CAMK4: variants seen among roughly 807,000 people sequenced by gnomAD.
The protein encoded by CAMK4 is calcium/calmodulin dependent protein kinase IV, also known as calcium/calmodulin-dependent protein kinase type IV.
In CAMK4, 22 loss-of-function variants were observed where a neutral mutation model predicts 44.9. The ratio of observed to expected loss-of-function variants is 0.49; its 90% CI spans 0.35 to 0.70. The LOEUF (loss-of-function observed/expected upper bound fraction) is 0.70, where lower values mean the gene tolerates loss of function less well. Among genes scored for constraint, CAMK4 ranks in the 30% least tolerant of loss-of-function variants. CAMK4 has a pLI of 0.01. For synonymous variants in CAMK4, 218 were observed against 215.4 expected (o/e 1.01, Z -0.11); for missense variants, 498 against 586.8 (o/e 0.85, Z 1.56).
chr5:111,283,553 G>C (rs1220166724), intron 1 of CAMK4, among the ~76,000 whole-genome samples: 1 of 152,196 alleles, frequency 6.6e-6, no homozygotes, highest in Non-Finnish European at 1.5e-5. Flanking sequence ...TGGCAGTCTT[G>C]AGGCTCACAC....
intron 4 of CAMK4, among the ~76,000 whole-genome samples, chr5:111,385,297 G>A (rs1436932973): frequency 6.6e-6 from 1 of 152,014 alleles, no homozygotes; most frequent in African/African-American, 2.4e-5. Flanking sequence ...CAAAACAAGG[G>A]GGTTTTGTAA....
chr5:111,251,059 A>G (rs1182929361), intron 1 of CAMK4, among the ~76,000 whole-genome samples: 1 of 152,208 alleles, frequency 6.6e-6, no homozygotes, highest in African/African-American at 2.4e-5. Flanking sequence ...ATGGCTTGCT[A>G]TGCTTAAATA....
At chr5:111,445,967 G>T (rs13182179) in intron 5 of CAMK4, among the ~76,000 whole-genome samples, 46,160 of 152,160 alleles carry the variant, frequency 0.3, 7,638 homozygotes, top group Non-Finnish European at 0.37. Flanking sequence ...TGGGGGAAGG[G>T]AAATCAGGTA....
Position 111,281,780 on chromosome 5 carries a change from C to T in CAMK4, c.161+57136C>T, listed in dbSNP as rs187670999. Among the ~76,000 whole-genome samples the T allele has an allele frequency of 1.3e-3, 196 of 152,236 alleles. 1 individual carries two copies. In the South Asian group the frequency reaches 0.015, roughly 12 times the overall value. On this transcript the variant is annotated intron_variant, in intron 1 of 10. Transcript: ENST00000282356. ...TGACAAGAAATTTTCTGGAATTGGC[C>T]GGGCGCGGTGGCTCACGCCTGTAAT...
intron 1 of CAMK4, among the ~76,000 whole-genome samples, chr5:111,230,484 T>C (rs925080915): frequency 1.3e-5 from 2 of 151,852 alleles, no homozygotes; most frequent in Admixed American, 1.3e-4. Context: ...AAGGCTACGA[T>C]AACATCATTG....
At chr5:111,271,701 G>T (rs1750525591) in intron 1 of CAMK4, among the ~76,000 whole-genome samples, 1 of 152,082 alleles carries the variant, frequency 6.6e-6, no homozygotes, top group Non-Finnish European at 1.5e-5. Flanking sequence ...CCAAATATTT[G>T]GCAAGACCAC....
intron 5 of CAMK4, among the ~76,000 whole-genome samples, chr5:111,403,485 A>G (rs544630938): frequency 7.9e-5 from 12 of 152,324 alleles, no homozygotes; most frequent in African/African-American, 2.6e-4. Context: ...ATTAATACAA[A>G]GTTTTAAGAG....
intron 1 of CAMK4, among the ~76,000 whole-genome samples, chr5:111,234,501 G>T (rs1748626467): frequency 6.6e-6 from 1 of 152,180 alleles, no homozygotes; most frequent in East Asian, 1.9e-4. Flanking sequence ...TAGAGAAATA[G>T]GGTTTGTTTG....
chr5:111,224,464 T>C lies in CAMK4; in HGVS notation c.-20T>C, dbSNP rs752917380. The C allele has an allele frequency of 8.3e-6, 13 of 1,573,270 alleles. No homozygotes were observed. The highest frequency in any genetic ancestry group is 3.4e-5 in the South Asian group (3 of 87,246). On this transcript the variant is annotated 5_prime_UTR_variant, in exon 1 of 11. Transcript: ENST00000282356. The surrounding 1 kb of genome is among the most constrained non-coding windows in gnomAD (Gnocchi z 5.7). The stretch of plus-strand genomic sequence containing the variant: ...AGCGGCGGCGGCGGCGGCGGCGGCT[T>C]CCGGAGTCCCGCTGCGAAGATGCTC...
Position 111,494,318 on chromosome 5 carries a change from T to C in CAMK4, c.*9852T>C, listed in dbSNP as rs182033389. 2.3e-4 allele frequency: 35 copies of C among 152,330 alleles called. No homozygotes were observed. In the East Asian group the frequency reaches 5.0e-3, roughly 22 times the overall value. The allele number at this position is 152,330 out of a possible 1,614,324, so 9.4% of individuals were successfully genotyped here. A position where few individuals can be genotyped will look rare whatever the true frequency, so the allele number is the denominator to read the frequency against. On this transcript the variant is annotated 3_prime_UTR_variant, in exon 11 of 11. Coordinates refer to ENST00000282356, the MANE Select transcript of CAMK4 (RefSeq NM_001744.6). ...TGAAAATGGAGCTGTGAACACTTCA[T>C]TTTTAAAACCTGACAATATGGTGCT...
chr5:111,392,961 T>A (rs1057439657), intron 4 of CAMK4, among the ~76,000 whole-genome samples: 8 of 152,156 alleles, frequency 5.3e-5, no homozygotes, highest in Non-Finnish European at 1.2e-4. Flanking sequence ...TCAAATATGG[T>A]TAAATCCATA....
intron 5 of CAMK4, among the ~76,000 whole-genome samples, chr5:111,416,953 T>C (rs1752836154): frequency 6.6e-6 from 1 of 152,372 alleles, no homozygotes; most frequent in African/African-American, 2.4e-5. Context: ...TGCTTAGGTG[T>C]TCAGCCAGTC....
chr5:111,365,120 A>C (rs936434635), intron 2 of CAMK4: 6 of 152,350 alleles, frequency 3.9e-5, no homozygotes, highest in Admixed American at 1.3e-4. Flanking sequence ...AGTGGAGACT[A>C]TCCTGGCTTC....
chr5:111,420,798 C>G (rs1752998610), intron 5 of CAMK4, among the ~76,000 whole-genome samples: 1 of 152,190 alleles, frequency 6.6e-6, no homozygotes, highest in African/African-American at 2.4e-5. Context: ...CACCGGCGGT[C>G]AGAGTTTAAG....
chr5:111,386,814 T>C (rs181420356), intron 4 of CAMK4, among the ~76,000 whole-genome samples: 5 of 152,264 alleles, frequency 3.3e-5, no homozygotes, highest in Non-Finnish European at 7.3e-5. Context: ...TGGGGAAATG[T>C]ACCACCTTCG....
At chr5:111,334,610 T>G (rs903559398) in intron 1 of CAMK4, among the ~76,000 whole-genome samples, 2 of 151,594 alleles carry the variant, frequency 1.3e-5, no homozygotes, top group African/African-American at 2.4e-5. Context: ...AAAGAAGAGC[T>G]TATTAAATAA....
chr5:111,273,852 G>C (rs186497544), intron 1 of CAMK4, among the ~76,000 whole-genome samples: 1 of 151,060 alleles, frequency 6.6e-6, no homozygotes, highest in Non-Finnish European at 1.5e-5. Context: ...AATATAAAAG[G>C]TGTTAACAGC....
chr5:111,435,364 T>A (rs577486209), intron 5 of CAMK4, among the ~76,000 whole-genome samples: 1 of 152,150 alleles, frequency 6.6e-6, no homozygotes, highest in Non-Finnish European at 1.5e-5. Context: ...AAATATCTAC[T>A]CTTATTTTTT....
chr5:111,449,198 A>G lies in CAMK4; in HGVS notation c.620A>G (p.Tyr207Cys), dbSNP rs1478403473. 1 of 1,459,650 alleles carries G rather than the reference A, an allele frequency of 6.9e-7. No individual in the cohort carries two copies. Among genetic ancestry groups the G allele is most frequent in the Non-Finnish European group, 9.5e-7 (1 of 1,049,182 alleles). The allele number at this position is 1,459,650 out of a possible 1,614,324, so 90.4% of individuals were successfully genotyped here. Residue 207 changes from tyrosine (Y) to cysteine (C), a missense_variant, in exon 7 of 11, where the codon TAC becomes TGC. This residue lies in a region of CAMK4 where 203 missense variants were observed against 298.2 expected (regional missense o/e 0.68). Transcript: ENST00000282356. ...AAGACAGTATGTGGAACCCCAGGGT[A>G]CTGCGGTATGCTCTTTAATAATTAT... ...LMKTVCGTPG[Y>C]CAPEILRGCA...
Sources: gnomAD v4.1 joint callset for allele counts (sites outside exome capture counted in the v4.1 genomes callset) on GRCh38, gnomAD v4.1.1 for gene constraint, gnomAD v4.1.1 regional missense constraint, Gnocchi (gnomAD v3.1) non-coding constraint, MANE v1.5 for transcripts, NCBI Gene and HGNC (gene_info 2026-07-23, HGNC 2026-07-21) for gene names.